Variants in GRIK3 observed in about 807,000 individuals in gnomAD.
The protein encoded by GRIK3 is glutamate receptor ionotropic, kainate 3.
GRIK3 carries 29 observed loss-of-function variants against 102.5 expected under a neutral mutation model. The observed-to-expected ratio is 0.28, with a 90% confidence interval of 0.21 to 0.39. GRIK3 has a LOEUF of 0.39. GRIK3 is among the 10% of genes least tolerant of loss of function. The pLI, the probability that GRIK3 is intolerant of heterozygous loss-of-function variation, is 1.00. For synonymous variants in GRIK3, 511 were observed against 504.9 expected, an observed-to-expected ratio of 1.01 and a Z score of -0.16; for missense variants, 908 against 1,252.4, an observed-to-expected ratio of 0.73 and a Z score of 4.15.
intron 5 of GRIK3, among the ~76,000 whole-genome samples, chr1:36,865,690 G>A (rs915113652): frequency 1.9e-4 from 29 of 152,338 alleles, no homozygotes; most frequent in African/African-American, 6.5e-4. Flanking sequence ...GATTGTGTGG[G>A]GAGGAAGGAC....
intron 13 of GRIK3, among the ~76,000 whole-genome samples, chr1:36,814,201 A>G (rs765657430): frequency 3.9e-5 from 6 of 152,194 alleles, no homozygotes; most frequent in African/African-American, 7.2e-5. Flanking sequence ...TTGGAAGCCA[A>G]TCTGAGCATC....
Position 36,880,728 on chromosome 1 carries a change from G to C in GRIK3, c.456C>G (p.Leu152=), listed in dbSNP as rs778996446. ...GGCTGAGCGAGGCGTAGTCGGGGTA[G>C]AGGTTCACGTAGAAGGTGTCCTTGT... ...LDNKDTFYVN[L]YPDYASLSHA... is the part of the protein sequence containing the mutation. The change falls in exon 3 of 16, where the codon CTC becomes CTG. Residue 152 remains leucine, a synonymous_variant. Transcript: ENST00000373091. The surrounding 1 kb of genome is among the most constrained non-coding windows in gnomAD (Gnocchi z 5.4). The C allele has an allele frequency of 6.2e-7, 1 of 1,614,180 alleles. No homozygotes were observed. Among genetic ancestry groups the C allele is most frequent in the Non-Finnish European group, 8.5e-7 (1 of 1,179,986 alleles).
chr1:36,848,509 A>C (rs1232026451), intron 9 of GRIK3, among the ~76,000 whole-genome samples: 1 of 151,922 alleles, frequency 6.6e-6, no homozygotes, highest in Non-Finnish European at 1.5e-5. Flanking sequence ...GCTTTTTGAC[A>C]TTTGGGTGTT....
chr1:36,919,987 CTCCCGGT>C (rs1557426859), intron 1 of GRIK3, among the ~76,000 whole-genome samples: 1 of 152,236 alleles, frequency 6.6e-6, no homozygotes, highest in Non-Finnish European at 1.5e-5. Context: ...TGCAGTATGG[CTCCCGGT>C]TGCCAAAAGC....
intron 5 of GRIK3, among the ~76,000 whole-genome samples, chr1:36,863,962 C>G (rs1241717922): frequency 6.6e-6 from 1 of 152,134 alleles, no homozygotes; most frequent in Non-Finnish European, 1.5e-5. Context: ...CAAGGAAGGG[C>G]AGATGAAAAT....
chr1:36,964,802 C>T (rs1642062666), intron 1 of GRIK3, among the ~76,000 whole-genome samples: 1 of 152,140 alleles, frequency 6.6e-6, no homozygotes, highest in Admixed American at 6.5e-5. Context: ...CCTCAAGTGC[C>T]ACATTGAAAA....
Position 36,827,823 on chromosome 1 carries a change from C to T in GRIK3, c.1531-1997G>A, listed in dbSNP as rs559318394. Among the ~76,000 whole-genome samples the T allele has an allele frequency of 2.6e-5, 4 of 152,080 alleles. No homozygotes were observed. The East Asian group carries it at 7.7e-4, about 29-fold the overall frequency. On this transcript the variant is annotated intron_variant, in intron 10 of 15. Transcript: ENST00000373091. ...GGAAATACAACTTTGACACTGCCTA[C>T]CCAATGTTTCTCCTTCTAAAGGCAG... is the stretch of plus-strand genomic sequence containing the variant.
At chr1:37,031,683 A>G (rs1245441865) in intron 1 of GRIK3, among the ~76,000 whole-genome samples, 1 of 152,244 alleles carries the variant, frequency 6.6e-6, no homozygotes, top group African/African-American at 2.4e-5. Context: ...TTAAAGCCCC[A>G]GCCAGAACCC....
rs749886998 is a variant in GRIK3 at position 36,906,577 on chromosome 1, G to C, written c.116-15481C>G. On this transcript the variant is annotated intron_variant, in intron 1 of 15. Coordinates refer to ENST00000373091, the MANE Select transcript of GRIK3 (RefSeq NM_000831.4). ...TGAGCTTCCACATTTTCTAGGGCAG[G>C]GTTGACAAACTTTGTCTGCAAAGGA... Among the ~76,000 whole-genome samples the C allele has an allele frequency of 1.2e-4, 19 of 152,208 alleles. 1 individual carries two copies. Among genetic ancestry groups the C allele is most frequent in the Admixed American group, 1.2e-3 (18 of 15,272 alleles).
chr1:36,825,711 C>T lies in GRIK3; in HGVS notation c.1646G>A (p.Gly549Asp), dbSNP rs757602509. The change falls in exon 11 of 16, where the codon GGC (glycine) becomes GAC (aspartate). Residue 549 changes from glycine to aspartate, a missense_variant. Physicochemically the swap from Gly to Asp is moderately conservative, Grantham distance 94. This residue lies in a region of GRIK3 where 585 missense variants were observed against 824.9 expected (regional missense o/e 0.71). Transcript: ENST00000373091. ...GVSILYRKPN[G>D]TNPSVFSFLN... ...GAAGGAGAAGACGCTGGGGTTGGTG[C>T]CATTGGGCTTTCGATACAGGATGCT... 4 of 1,613,686 alleles carry T rather than the reference C, an allele frequency of 2.5e-6. No homozygotes were observed. In the African/African-American group the frequency reaches 4.0e-5, roughly 16 times the overall value.
intron 4 of GRIK3, among the ~76,000 whole-genome samples, chr1:36,870,665 C>T (rs889733543): frequency 1.3e-5 from 2 of 152,218 alleles, no homozygotes; most frequent in African/African-American, 4.8e-5. Context: ...AGCTCAGAAT[C>T]TTCATTTCTA....
At position 36,880,593 on chromosome 1, in the gene GRIK3, C is replaced by T. The variant is rs771734705; in HGVS notation, c.550+41G>A. The stretch of plus-strand genomic sequence containing the variant: ...AGCTTGATCCTGGGCCTCTGCCCCC[C>T]TCAACCGTTGCCCCCAGCCTAGCCA... On this transcript the variant is annotated intron_variant, in intron 3 of 15. Transcript: ENST00000373091. The surrounding 1 kb of genome is among the most constrained non-coding windows in gnomAD (Gnocchi z 5.4). The T allele has an allele frequency of 6.9e-6, 11 of 1,602,166 alleles. No individual in the cohort carries two copies. The highest frequency in any genetic ancestry group is 6.7e-5 in the South Asian group (6 of 90,146).
At chr1:36,836,040 G>T (rs1379606527) in intron 10 of GRIK3, among the ~76,000 whole-genome samples, 1 of 152,148 alleles carries the variant, frequency 6.6e-6, no homozygotes, top group African/African-American at 2.4e-5. Flanking sequence ...AGTTTCCCCT[G>T]CCCTCAACTG....
chr1:36,908,266 G>A (rs1192665909), intron 1 of GRIK3, among the ~76,000 whole-genome samples: 1 of 152,190 alleles, frequency 6.6e-6, no homozygotes, highest in African/African-American at 2.4e-5. Flanking sequence ...CCTAAGACAG[G>A]GGTGACATTA....
At chr1:36,984,832 T>G (rs1038495115) in intron 1 of GRIK3, among the ~76,000 whole-genome samples, 1 of 151,998 alleles carries the variant, frequency 6.6e-6, no homozygotes, top group Non-Finnish European at 1.5e-5. Flanking sequence ...ACAGCAAAGT[T>G]GAAAGTTAGC....
intron 1 of GRIK3, among the ~76,000 whole-genome samples, chr1:36,944,671 C>T (rs57628495): frequency 0.017 from 2,536 of 152,234 alleles, 34 homozygotes; most frequent in South Asian, 0.064. Context: ...AGTCCTCCAC[C>T]GCACCCCCTT....
At chr1:36,922,472 T>C (rs771240194) in intron 1 of GRIK3, among the ~76,000 whole-genome samples, 4 of 152,194 alleles carry the variant, frequency 2.6e-5, no homozygotes, top group Non-Finnish European at 5.9e-5. Context: ...AAATGGTTAA[T>C]GCCTGGCCAT....
intron 1 of GRIK3, among the ~76,000 whole-genome samples, chr1:36,949,528 G>A (rs1641819479): frequency 6.7e-6 from 1 of 149,226 alleles, no homozygotes; most frequent in African/African-American, 2.5e-5. Flanking sequence ...TGTGTACTTT[G>A]CATGTCTTTC....
rs1336081262 is a variant in GRIK3, at chr1:36,799,002, T to A, written c.*2849A>T. ...CATGTAGCATCACACACACAACACA[T>A]GTGTGAGACAAGAGCAAGAATGAGG... On this transcript the variant is annotated 3_prime_UTR_variant, in exon 16 of 16. Coordinates refer to ENST00000373091, the MANE Select transcript of GRIK3 (RefSeq NM_000831.4). 3 of 152,182 alleles carry A rather than the reference T, an allele frequency of 2.0e-5. No homozygotes were observed. Among genetic ancestry groups the A allele is most frequent in the Non-Finnish European group, 4.4e-5 (3 of 68,032 alleles). The allele number at this position is 152,182 out of a possible 1,614,324, so 9.4% of individuals were successfully genotyped here.
Sources: gnomAD v4.1 joint callset for allele counts (sites outside exome capture counted in the v4.1 genomes callset) on GRCh38, gnomAD v4.1.1 for gene constraint, gnomAD v4.1.1 regional missense constraint, Gnocchi (gnomAD v3.1) non-coding constraint, MANE v1.5 for transcripts, NCBI Gene and HGNC (gene_info 2026-07-23, HGNC 2026-07-21) for gene names.